The following MCTP1 variants were observed in gnomAD, a reference collection of about 807,000 sequenced individuals.
MCTP1 encodes the protein multiple C2 and transmembrane domain-containing protein 1.
Under a neutral mutation model 120.6 loss-of-function variants are expected in MCTP1, and 69 were observed. The ratio of observed to expected loss-of-function variants is 0.57; its 90% confidence interval spans 0.47 to 0.70. MCTP1 has a LOEUF of 0.70. Ranked by LOEUF, MCTP1 falls within the 30% of genes least tolerant of loss-of-function variation. The pLI is 0.00. For missense variants in MCTP1, 1,203 were observed against 1,248.8 expected, an observed-to-expected ratio of 0.96 and a Z score of 0.55; for synonymous variants, 529 against 493.1, an observed-to-expected ratio of 1.07 and a Z score of -0.96.
intron 17 of MCTP1, among the ~76,000 whole-genome samples, chr5:94,847,457 C>T (rs1792648612): frequency 6.6e-6 from 1 of 151,880 alleles, no homozygotes. Context: ...AATAAAAGGT[C>T]AAATTTCCGA....
intron 1 of MCTP1, among the ~76,000 whole-genome samples, chr5:95,050,610 G>T (rs750572757): frequency 6.6e-6 from 1 of 152,180 alleles, no homozygotes; most frequent in Non-Finnish European, 1.5e-5. Context: ...TCTGGCCCAA[G>T]CCATGCTTCC....
chr5:95,061,423 T>G (rs1267209299), intron 1 of MCTP1, among the ~76,000 whole-genome samples: 1,002 of 33,232 alleles, frequency 0.03, 178 homozygotes, highest in Admixed American at 0.072. Context: ...TTTTTTTTTT[T>G]TTTTTTTTTT....
intron 2 of MCTP1, among the ~76,000 whole-genome samples, chr5:94,998,626 C>T (rs1833070544): frequency 6.6e-6 from 1 of 152,182 alleles, no homozygotes. Flanking sequence ...GGAGACTGGC[C>T]TTACAAACAT....
At chr5:94,869,961 C>G (rs568469309) in intron 16 of MCTP1, among the ~76,000 whole-genome samples, 1 of 152,034 alleles carries the variant, frequency 6.6e-6, no homozygotes, top group Non-Finnish European at 1.5e-5. Context: ...GGAGCCTCCT[C>G]GCATCTGGAT....
chr5:95,284,372 C>A lies in MCTP1; in HGVS notation c.204G>T (p.Pro68=). ...TGCTGCCTGCACCACTCCCCCTGGCCGGTGCATTCCCTGTGCCCACCGGGG... is the reference window on the plus strand; with the variant it reads ...TGCTGCCTGCACCACTCCCCCTGGCAGGTGCATTCCCTGTGCCCACCGGGG... ...PPPPVGTGNA[P]ARGSGAGSRW... is the part of the protein sequence containing the mutation. The change falls in exon 1 of 23, where the codon CCG becomes CCT. Residue 68 remains proline (P), a synonymous_variant. Coordinates refer to ENST00000515393, the MANE Select transcript of MCTP1 (RefSeq NM_024717.7). This position sits in a 1 kb window ranked among gnomAD's most constrained non-coding sequence, Gnocchi z 5.2. The A allele has an allele frequency of 6.3e-7, 1 of 1,595,704 alleles. No individual in the cohort carries two copies. Among genetic ancestry groups the A allele is most frequent in the Non-Finnish European group, 8.5e-7 (1 of 1,178,930 alleles).
At chr5:95,253,790 G>A (rs1180727975) in intron 1 of MCTP1, among the ~76,000 whole-genome samples, 1 of 152,084 alleles carries the variant, frequency 6.6e-6, no homozygotes, top group Non-Finnish European at 1.5e-5. Context: ...GGGAACGAGT[G>A]TGGGAGGAAA....
At chr5:95,051,146 A>AAAACTG (rs1745802670) in intron 1 of MCTP1, among the ~76,000 whole-genome samples, 2 of 152,332 alleles carry the variant, frequency 1.3e-5, no homozygotes, top group Admixed American at 6.5e-5. Flanking sequence ...GCAGCCCTAG[A>AAAACTG]AAACTGATAT....
chr5:94,789,618 G>A lies in MCTP1; in HGVS notation c.2556+9395C>T, dbSNP rs186358401. 3.2e-4 allele frequency: 49 copies of A among 152,196 alleles called. 1 individual carries two copies. Among genetic ancestry groups the A allele is most frequent in the African/African-American group, 1.2e-3 (48 of 41,534 alleles). 9.4% of individuals were successfully genotyped at this position (152,196 alleles called of 1,614,324 possible). Reference sequence around the variant, plus strand: ...TGGCCACAGGTAGATATTTAATCCCGTTTCATTATATATGCAGTACTCACA... The same window carrying A: ...TGGCCACAGGTAGATATTTAATCCCATTTCATTATATATGCAGTACTCACA... On this transcript the variant is annotated intron_variant, in intron 18 of 22. Coordinates refer to ENST00000515393, the MANE Select transcript of MCTP1 (RefSeq NM_024717.7).
At chr5:94,900,982 T>C (rs1031192705) in intron 10 of MCTP1, among the ~76,000 whole-genome samples, 1 of 152,244 alleles carries the variant, frequency 6.6e-6, no homozygotes, top group Non-Finnish European at 1.5e-5. Flanking sequence ...ATTCAAGTGA[T>C]CTGCATCAAA....
intron 1 of MCTP1, among the ~76,000 whole-genome samples, chr5:95,094,484 A>C (rs1388776125): frequency 6.6e-6 from 1 of 152,254 alleles, no homozygotes; most frequent in African/African-American, 2.4e-5. Context: ...AAAATGAATA[A>C]GCAAATTAAC....
chr5:94,785,199 G>A (rs1009552071), intron 18 of MCTP1, among the ~76,000 whole-genome samples: 4 of 152,026 alleles, frequency 2.6e-5, no homozygotes, highest in Admixed American at 1.3e-4. Flanking sequence ...ATCAGTATAA[G>A]CCTCTTAAAT....
intron 18 of MCTP1, among the ~76,000 whole-genome samples, chr5:94,798,467 C>T (rs935278436): frequency 1.3e-5 from 2 of 152,146 alleles, no homozygotes; most frequent in African/African-American, 4.8e-5. Context: ...GAAAGCTCCT[C>T]ATCCTTAAGC....
intron 3 of MCTP1, among the ~76,000 whole-genome samples, chr5:94,950,030 GC>G (rs1472664733): frequency 6.6e-6 from 1 of 151,478 alleles, no homozygotes; most frequent in Non-Finnish European, 1.5e-5. Flanking sequence ...AAAAAATAAA[GC>G]AAAAAGTTAG....
intron 1 of MCTP1, among the ~76,000 whole-genome samples, chr5:95,043,629 T>G (rs577827027): frequency 2.6e-5 from 4 of 152,176 alleles, no homozygotes; most frequent in Non-Finnish European, 4.4e-5. Flanking sequence ...CATATAAATT[T>G]TAAAACATTT....
chr5:95,064,824 A>G (rs945326766), intron 1 of MCTP1, among the ~76,000 whole-genome samples: 1 of 152,260 alleles, frequency 6.6e-6, no homozygotes. Flanking sequence ...GAGTTAATAA[A>G]GTATTCAATA....
At chr5:94,983,661 G>GTCAATCTATCTATCTA (rs1357815406) in intron 2 of MCTP1, among the ~76,000 whole-genome samples, 243 of 16,080 alleles carry the variant, frequency 0.015, 1 homozygote, top group African/African-American at 0.029. Context: ...CTGTCTGTCT[G>GTCAATCTATCTATCTA]TCTGTCAATC....
At chr5:94,861,719 C>A (rs553013776) in intron 17 of MCTP1, among the ~76,000 whole-genome samples, 8 of 151,928 alleles carry the variant, frequency 5.3e-5, no homozygotes, top group Middle Eastern at 3.4e-3. Context: ...CTTCAGAAGA[C>A]AAGAACATTG....
intron 2 of MCTP1, among the ~76,000 whole-genome samples, chr5:94,954,167 T>C (rs1157883322): frequency 1.0e-5 from 1 of 98,618 alleles, no homozygotes. Flanking sequence ...TGCATATATA[T>C]ACATATATAT....
At chr5:94,932,262 T>C (rs1743152538) in intron 5 of MCTP1, among the ~76,000 whole-genome samples, 1 of 151,102 alleles carries the variant, frequency 6.6e-6, no homozygotes, top group Admixed American at 6.6e-5. Context: ...GATGCCTTTA[T>C]TGACTGAAAA....
Sources: allele counts gnomAD v4.1 joint callset (sites outside exome capture counted in the v4.1 genomes callset), GRCh38; gene constraint gnomAD v4.1.1; non-coding constraint Gnocchi (gnomAD v3.1); transcripts MANE v1.5; gene names NCBI Gene and HGNC (gene_info 2026-07-23, HGNC 2026-07-21).